The following VSNL1 variants were observed in gnomAD, a reference collection of about 807,000 sequenced individuals.
The protein encoded by VSNL1 is visinin like 1, also known as visinin-like protein 1.
A neutral mutation model predicts 20.4 loss-of-function variants in VSNL1; 6 were observed. The observed-to-expected ratio is 0.29, with a 90% CI of 0.16 to 0.58. The LOEUF is 0.58. VSNL1 is among the 20% of genes least tolerant of loss of function. The pLI, the probability that VSNL1 is intolerant of heterozygous loss-of-function variation, is 0.90. For missense variants in VSNL1, 100 were observed against 234.5 expected, an observed-to-expected ratio of 0.43 and a Z score of 3.75; for synonymous variants, 93 against 86.4, an observed-to-expected ratio of 1.08 and a Z score of -0.42.
intron 2 of VSNL1, among the ~76,000 whole-genome samples, chr2:17,625,090 T>C (rs980345956): frequency 1.1e-4 from 16 of 152,178 alleles, no homozygotes; most frequent in Non-Finnish European, 2.2e-4. Context: ...CGAGCTCTGA[T>C]GGTTTTATCA....
chr2:17,608,460 T>G (rs945298364), intron 2 of VSNL1, among the ~76,000 whole-genome samples: 3 of 152,246 alleles, frequency 2.0e-5, no homozygotes, highest in African/African-American at 7.2e-5. Flanking sequence ...ATGACACAGC[T>G]GGGTTGCCAG....
chr2:17,571,416 G>A (rs1664080846), intron 1 of VSNL1, among the ~76,000 whole-genome samples: 1 of 152,106 alleles, frequency 6.6e-6, no homozygotes, highest in Non-Finnish European at 1.5e-5. Context: ...CTCATGAGCA[G>A]GCAAGGTAGC....
intron 2 of VSNL1, among the ~76,000 whole-genome samples, chr2:17,615,053 AC>A (rs1434870478): frequency 6.6e-6 from 1 of 152,142 alleles, no homozygotes; most frequent in Non-Finnish European, 1.5e-5. Flanking sequence ...ACCTTTCTTA[AC>A]TACAGCTCCC....
chr2:17,559,325 AC>A (rs1663758248), intron 1 of VSNL1, among the ~76,000 whole-genome samples: 1 of 152,122 alleles, frequency 6.6e-6, no homozygotes, highest in African/African-American at 2.4e-5. Flanking sequence ...CTTCTGCCGT[AC>A]TAGTAATAAA....
At chr2:17,574,208 C>T (rs899473050) in intron 1 of VSNL1, among the ~76,000 whole-genome samples, 45 of 152,174 alleles carry the variant, frequency 3.0e-4, no homozygotes, top group African/African-American at 1.1e-3. Context: ...TTGATCCCCC[C>T]CCACCCTGAT....
chr2:17,611,287 T>A (rs1365466982), intron 2 of VSNL1, among the ~76,000 whole-genome samples: 1 of 152,226 alleles, frequency 6.6e-6, no homozygotes, highest in Non-Finnish European at 1.5e-5. Context: ...AACTAGTGAA[T>A]GACTAAGCTG....
At chr2:17,625,634 G>A (rs1323021341) in intron 2 of VSNL1, among the ~76,000 whole-genome samples, 3 of 152,162 alleles carry the variant, frequency 2.0e-5, no homozygotes, top group African/African-American at 7.2e-5. Context: ...CCCCAGCACA[G>A]GCTGCCTTGT....
chr2:17,596,985 AG>A (rs1232726670), intron 2 of VSNL1, among the ~76,000 whole-genome samples: 2 of 152,276 alleles, frequency 1.3e-5, no homozygotes, highest in Non-Finnish European at 2.9e-5. Flanking sequence ...TTACACAGCC[AG>A]GATGAAAATA....
intron 2 of VSNL1, among the ~76,000 whole-genome samples, chr2:17,602,561 G>A (rs947307227): frequency 2.6e-5 from 4 of 152,066 alleles, no homozygotes; most frequent in African/African-American, 9.7e-5. Context: ...TGGCCAACAC[G>A]GCGAAACTCT....
chr2:17,586,733 T>C (rs1047596911), intron 1 of VSNL1, among the ~76,000 whole-genome samples: 15 of 152,188 alleles, frequency 9.9e-5, no homozygotes, highest in Non-Finnish European at 7.3e-5. Flanking sequence ...AATTATGCCA[T>C]GGGTCATTAT....
chr2:17,546,278 A>G (rs1447212608), intron 1 of VSNL1, among the ~76,000 whole-genome samples: 1 of 152,062 alleles, frequency 6.6e-6, no homozygotes, highest in Non-Finnish European at 1.5e-5. Context: ...TGCTGCCCAT[A>G]TAATACTTTT....
At chr2:17,567,117 TA>T (rs1663965341) in intron 1 of VSNL1, among the ~76,000 whole-genome samples, 2 of 152,152 alleles carry the variant, frequency 1.3e-5, no homozygotes, top group East Asian at 1.9e-4. Context: ...TTAAACTTCA[TA>T]AAAAATATAC....
intron 1 of VSNL1, among the ~76,000 whole-genome samples, chr2:17,571,499 T>A (rs1664083023): frequency 1.3e-5 from 2 of 152,278 alleles, no homozygotes; most frequent in South Asian, 4.1e-4. Flanking sequence ...ATATATGAAA[T>A]GAACACATTT....
In VSNL1 at chr2:17,568,103, T is replaced by C. The variant is rs182250624; in HGVS notation, c.-5-23967T>C. On this transcript the variant is annotated intron_variant, in intron 1 of 3. Transcript: ENST00000295156. ...CTTCTTATATTATATTTTTAATATA[T>C]GCTAGGCTTATTTTTTGGCCTCTCC... 3.6e-3 allele frequency among the ~76,000 whole-genome samples: 550 copies of C among 152,338 alleles called. 4 individuals carry two copies. Among genetic ancestry groups the C allele is most frequent in the Non-Finnish European group, 5.6e-3 (380 of 68,026 alleles).
At chr2:17,605,150 C>T (rs1664914023) in intron 2 of VSNL1, among the ~76,000 whole-genome samples, 2 of 152,202 alleles carry the variant, frequency 1.3e-5, no homozygotes, top group South Asian at 4.1e-4. Context: ...TGCTATTCAA[C>T]TGCTCAATAA....
intron 3 of VSNL1, among the ~76,000 whole-genome samples, chr2:17,650,557 C>T (rs953270549): frequency 1.3e-5 from 2 of 152,222 alleles, no homozygotes; most frequent in African/African-American, 4.8e-5. Context: ...GCCACTCTGA[C>T]CAAGGAGAGA....
intron 2 of VSNL1, among the ~76,000 whole-genome samples, chr2:17,610,101 A>ATAGGT: frequency 6.6e-6 from 1 of 152,240 alleles, no homozygotes; most frequent in Non-Finnish European, 1.5e-5. Flanking sequence ...GGTAAGGGAC[A>ATAGGT]AACACCTAGC....
rs190657602 is a variant in VSNL1 at position 17,631,810 on chromosome 2, A to T, written c.163-17600A>T. Among the ~76,000 whole-genome samples, 12 of 152,386 alleles carry T rather than the reference A, an allele frequency of 7.9e-5. No individual in the cohort carries two copies. The East Asian group carries it at 1.7e-3, about 22-fold the overall frequency. On this transcript the variant is annotated intron_variant, in intron 2 of 3. Coordinates refer to ENST00000295156, the MANE Select transcript of VSNL1 (RefSeq NM_003385.5). Reference sequence around the variant, plus strand: ...TAGAGTTATAAATATACATGCGTGTATGTGTAAACATGAAGAATGCAGAAC... The same window carrying T: ...TAGAGTTATAAATATACATGCGTGTTTGTGTAAACATGAAGAATGCAGAAC...
intron 1 of VSNL1, among the ~76,000 whole-genome samples, chr2:17,561,969 G>C (rs1021589688): frequency 6.6e-6 from 1 of 152,106 alleles, no homozygotes; most frequent in African/African-American, 2.4e-5. Flanking sequence ...ATAAAAATGT[G>C]ACTCACATCA....
Sources: gnomAD v4.1 joint callset for allele counts (sites outside exome capture counted in the v4.1 genomes callset) on GRCh38, gnomAD v4.1.1 for gene constraint, MANE v1.5 for transcripts, NCBI Gene and HGNC (gene_info 2026-07-23, HGNC 2026-07-21) for gene names.